USP48: variants seen among roughly 807,000 people sequenced by gnomAD.
The protein encoded by USP48 is ubiquitin carboxyl-terminal hydrolase 48.
Under a neutral mutation model 150.7 loss-of-function variants are expected in USP48, and 43 were observed. That is an observed-to-expected ratio of 0.29 (90% CI 0.22 to 0.37). The LOEUF (loss-of-function observed/expected upper bound fraction) is 0.37, where lower values mean the gene tolerates loss of function less well. Among genes scored for constraint, USP48 ranks in the 10% least tolerant of loss-of-function variants. The pLI, the probability that USP48 is intolerant of heterozygous loss-of-function variation, is 1.00. For synonymous variants in USP48, 396 were observed against 425.9 expected (o/e 0.93, Z 0.86); for missense variants, 813 against 1,249.6 (o/e 0.65, Z 5.27).
chr1:21,748,414 A>T, intron 6 of USP48, 143 bp from the exon 7 acceptor site: 1 of 721,724 alleles, frequency 1.4e-6, no homozygotes, highest in Non-Finnish European at 2.2e-6. Context: ...AATAATGGAC[A>T]CACAAAAGTA....
chr1:21,752,879 A>G (rs2097820189), intron 4 of USP48, 113 bp downstream of exon 4: 9 of 1,380,752 alleles, frequency 6.5e-6, no homozygotes, highest in Admixed American at 3.0e-5. Flanking sequence ...TTCATTCAAA[A>G]TAGAAAAAAT....
intron 24 of USP48, among the ~76,000 whole-genome samples, chr1:21,688,276 T>C (rs1571694169): frequency 6.6e-6 from 1 of 152,132 alleles, no homozygotes; most frequent in East Asian, 2.0e-4. Context: ...TGGAGTGCAG[T>C]GGCGCAATCT....
At chr1:21,706,981 G>A in intron 15 of USP48, 113 bp from the exon 16 acceptor site, 1 of 1,216,004 alleles carries the variant, frequency 8.2e-7, no homozygotes, top group Non-Finnish European at 1.1e-6. Context: ...TTCTTGCTTT[G>A]CTAAAGTTTG....
intron 8 of USP48, among the ~76,000 whole-genome samples, chr1:21,746,431 C>CA (rs1392927714): frequency 1.2e-4 from 19 of 152,004 alleles, no homozygotes; most frequent in African/African-American, 4.4e-4. Flanking sequence ...GCCTAGGCAA[C>CA]AGAGCAAGAC....
intron 1 of USP48, among the ~76,000 whole-genome samples, chr1:21,761,179 C>T (rs2097849103): frequency 6.6e-6 from 1 of 151,686 alleles, no homozygotes; most frequent in Non-Finnish European, 1.5e-5. Context: ...ATGGGGTAAA[C>T]ACACCCGTTT....
chr1:21,748,022 T>A (rs1456064238), intron 7 of USP48, 116 bp downstream of exon 7: 3 of 1,150,686 alleles, frequency 2.6e-6, no homozygotes, highest in African/African-American at 3.2e-5. Context: ...CATCTATAAC[T>A]TTCATCCTCA....
At chr1:21,781,135 G>A (rs1290167086) in intron 1 of USP48, among the ~76,000 whole-genome samples, 3 of 146,790 alleles carry the variant, frequency 2.0e-5, no homozygotes, top group African/African-American at 5.0e-5. Context: ...AAAAAGTATC[G>A]GCCTGGCGGG....
intron 22 of USP48, among the ~76,000 whole-genome samples, chr1:21,699,080 A>G (rs2097646635): frequency 6.6e-6 from 1 of 151,426 alleles, no homozygotes; most frequent in African/African-American, 2.4e-5. Context: ...CCCAAGCTGG[A>G]GTGCAGTGGC....
intron 15 of USP48, among the ~76,000 whole-genome samples, chr1:21,708,884 C>CAAAA (rs1181628764): frequency 6.0e-4 from 10 of 16,594 alleles, no homozygotes; most frequent in Non-Finnish European, 8.9e-4. Flanking sequence ...GACTCCGTCT[C>CAAAA]AAAAAAAAAA....
In USP48 at chr1:21,682,747, C is replaced by A. The variant is rs191283847; in HGVS notation, c.3059-1913G>T. Among the ~76,000 whole-genome samples the A allele has an allele frequency of 5.3e-3, 812 of 151,884 alleles. 7 individuals are homozygous for A. The highest frequency in any genetic ancestry group is 8.1e-3 in the Non-Finnish European group (553 of 67,952). On this transcript the variant is annotated intron_variant, in intron 25 of 26. Coordinates refer to ENST00000308271, the MANE Select transcript of USP48 (RefSeq NM_032236.8). Reference sequence around the variant, plus strand: ...AAAATTAGCTGGGCATGGTGGCAGGCGCCTGTAGTCCCAGCTACTTGGGAG... The same window carrying A: ...AAAATTAGCTGGGCATGGTGGCAGGAGCCTGTAGTCCCAGCTACTTGGGAG...
At chr1:21,747,280 C>A (rs765756546) in intron 7 of USP48, 131 bp from the exon 8 acceptor site, 3 of 571,546 alleles carry the variant, frequency 5.2e-6, no homozygotes, top group Non-Finnish European at 8.9e-6. Context: ...AAAACATGTA[C>A]AATTAGAAGT....
intron 19 of USP48, chr1:21,704,627 C>T (rs1435377109): frequency 3.6e-5 from 14 of 389,546 alleles, no homozygotes; most frequent in Admixed American, 2.6e-4. Context: ...ATCTCAAAAA[C>T]ATAATTGAGT....
chr1:21,757,852 C>T lies in USP48; in HGVS notation c.135-69G>A, dbSNP rs376006774. 8.0e-4 allele frequency: 1,194 copies of T among 1,489,874 alleles called. 3 individuals are homozygous for T. Among genetic ancestry groups the T allele is most frequent in the Admixed American group, 9.5e-4 (37 of 38,922 alleles). The allele number at this position is 1,489,874 out of a possible 1,614,324, so 92.3% of individuals were successfully genotyped here. ...TTCATGAGAGACAAACAAATTAAAA[C>T]TAAAATGAGATACCACTTCTCATCT... On this transcript the variant is annotated intron_variant, in intron 1 of 26. Transcript: ENST00000308271.
At chr1:21,779,544 T>G (rs1456310617) in intron 1 of USP48, among the ~76,000 whole-genome samples, 1 of 150,660 alleles carries the variant, frequency 6.6e-6, no homozygotes, top group Non-Finnish European at 1.5e-5. Flanking sequence ...AGACTCCGTC[T>G]CAAAAAAAAA....
chr1:21,685,038 A>G (rs1300299407), intron 25 of USP48, among the ~76,000 whole-genome samples: 3 of 152,158 alleles, frequency 2.0e-5, no homozygotes, highest in Non-Finnish European at 2.9e-5. Context: ...GTGGTTCCAT[A>G]TGAATTTTAG....
intron 14 of USP48, among the ~76,000 whole-genome samples, chr1:21,717,974 T>C (rs2097709431): frequency 6.6e-6 from 1 of 152,210 alleles, no homozygotes; most frequent in Admixed American, 6.5e-5. Context: ...ATGTGACGGA[T>C]GTATTCTTTA....
At chr1:21,715,148 C>T (rs2097700851) in intron 15 of USP48, 8 of 434,720 alleles carry the variant, frequency 1.8e-5, no homozygotes, top group Admixed American at 4.3e-5. Flanking sequence ...AAGTGTTTAA[C>T]TTGGACAATG....
chr1:21,780,819 C>T (rs1190871956), intron 1 of USP48, among the ~76,000 whole-genome samples: 1 of 149,028 alleles, frequency 6.7e-6, no homozygotes, highest in East Asian at 2.0e-4. Context: ...CTCGGCTCAC[C>T]GCAACCTCCA....
chr1:21,690,185 T>TC, intron 23 of USP48, 86 bp from the exon 24 acceptor site: 1 of 1,060,050 alleles, frequency 9.4e-7, no homozygotes, highest in East Asian at 2.8e-5. Context: ...CATGGATTCT[T>TC]AAAAAAAAAA....
Sources: allele counts gnomAD v4.1 joint callset (sites outside exome capture counted in the v4.1 genomes callset), GRCh38; gene constraint gnomAD v4.1.1; transcripts MANE v1.5; gene names NCBI Gene and HGNC (gene_info 2026-07-23, HGNC 2026-07-21).